ZBBX: variants seen among roughly 807,000 people sequenced by gnomAD.
ZBBX encodes the protein zinc finger B-box domain-containing protein 1.
A neutral mutation model predicts 108.5 loss-of-function variants in ZBBX; 101 were observed. That is an observed-to-expected ratio of 0.93 (90% CI 0.79 to 1.10). ZBBX has a LOEUF of 1.10. Among genes scored for constraint, ZBBX ranks in the 50% least tolerant of loss-of-function variants. The pLI is 0.00. For missense variants in ZBBX, 1,009 were observed against 941.4 expected, an observed-to-expected ratio of 1.07 and a Z score of -0.94; for synonymous variants, 356 against 323.4, an observed-to-expected ratio of 1.10 and a Z score of -1.08.
the ZBBX span, among the ~76,000 whole-genome samples, chr3:167,230,786 T>C: frequency 6.6e-6 from 1 of 151,838 alleles, no homozygotes; most frequent in African/African-American, 2.4e-5. Context: ...GTTCTCATTG[T>C]AATGCAAGGC....
At chr3:167,336,225 T>C (rs1739528655) in intron 9 of ZBBX, among the ~76,000 whole-genome samples, 1 of 152,090 alleles carries the variant, frequency 6.6e-6, no homozygotes, top group Non-Finnish European at 1.5e-5. Flanking sequence ...TTATAACATT[T>C]TTAGGTAGCA....
At chr3:167,192,509 T>C in the ZBBX span, among the ~76,000 whole-genome samples, 1 of 152,202 alleles carries the variant, frequency 6.6e-6, no homozygotes, top group East Asian at 1.9e-4. Flanking sequence ...TGAGCTTCTT[T>C]ATATGTTATT....
chr3:167,397,065 T>C (rs1412282935), intron 1 of ZBBX, among the ~76,000 whole-genome samples: 1 of 145,920 alleles, frequency 6.9e-6, no homozygotes, highest in East Asian at 2.0e-4. Context: ...GAGTATTTAA[T>C]TTATAAACAT....
chr3:167,333,875 T>C lies in ZBBX; in HGVS notation c.639A>G (p.Lys213=). Reference sequence around the variant, plus strand: ...GTACAGATTTGGGTTTATGTTGAATTTTACTGGTTTCCTTTGTAGAATTAT... The same window carrying C: ...GTACAGATTTGGGTTTATGTTGAATCTTACTGGTTTCCTTTGTAGAATTAT... ...EENNSTKETS[K]IQHKPKSVLL... The change falls in exon 10 of 22, where the codon AAA becomes AAG. Residue 213 remains lysine (K), a synonymous_variant. Coordinates refer to ENST00000675490, the MANE Select transcript of ZBBX (RefSeq NM_001199201.2). The C allele has an allele frequency of 6.2e-7, 1 of 1,612,654 alleles. No individual in the cohort carries two copies. Among genetic ancestry groups the C allele is most frequent in the Admixed American group, 1.7e-5 (1 of 59,830 alleles).
intron 1 of ZBBX, among the ~76,000 whole-genome samples, chr3:167,391,020 T>C (rs536251102): frequency 2.0e-5 from 3 of 152,290 alleles, no homozygotes; most frequent in African/African-American, 7.2e-5. Context: ...TCCAATACTA[T>C]GTTGAATACT....
At chr3:167,191,896 CATATATATATATATATATATATATAT>C in the ZBBX span, among the ~76,000 whole-genome samples, 1,969 of 67,986 alleles carry the variant, frequency 0.029, 136 homozygotes, top group South Asian at 0.08. Context: ...TTACAAAAAT[CATATATATATATATATATATATATAT>C]ATATATATAT....
chr3:167,248,709 G>A (rs1392018799), intron 20 of ZBBX: 2 of 455,196 alleles, frequency 4.4e-6, no homozygotes. Context: ...AATGTAAATG[G>A]GCAGAACCAA....
chr3:167,206,374 T>G, the ZBBX span, among the ~76,000 whole-genome samples: 1 of 152,098 alleles, frequency 6.6e-6, no homozygotes, highest in African/African-American at 2.4e-5. Context: ...TATAATTTAT[T>G]TATTCATTCA....
the ZBBX span, among the ~76,000 whole-genome samples, chr3:167,233,102 C>A: frequency 5.3e-5 from 8 of 151,904 alleles, no homozygotes; most frequent in South Asian, 1.7e-3. Flanking sequence ...CTATGGCATA[C>A]CAGACCCACT....
chr3:167,283,192 T>C lies in ZBBX; in HGVS notation c.1997-697A>G, dbSNP rs533377787. Among the ~76,000 whole-genome samples the C allele has an allele frequency of 2.0e-5, 3 of 152,292 alleles. No individual in the cohort carries two copies. In the East Asian group the frequency reaches 5.8e-4, roughly 29 times the overall value. On this transcript the variant is annotated intron_variant, in intron 19 of 21. Transcript: ENST00000675490. ...TCACCTGTTTTGAAAGTTGACTTAG[T>C]TGGTTTCTTCAACATGTTTGCTCCT...
chr3:167,351,742 T>A (rs1742692743), intron 8 of ZBBX, among the ~76,000 whole-genome samples: 1 of 152,066 alleles, frequency 6.6e-6, no homozygotes, highest in African/African-American at 2.4e-5. Flanking sequence ...ACCCCAAGGG[T>A]CTGAGTCCTG....
intron 6 of ZBBX, among the ~76,000 whole-genome samples, chr3:167,363,082 C>A (rs1361202004): frequency 6.6e-6 from 1 of 151,942 alleles, no homozygotes; most frequent in African/African-American, 2.4e-5. Flanking sequence ...TCTGAATAGC[C>A]ACACCTTCAA....
At position 167,402,143 on chromosome 3, in the gene ZBBX, G is replaced by A. The variant is rs536981319; in HGVS notation, c.-446+5583C>T. Among the ~76,000 whole-genome samples, 6 of 152,224 alleles carry A rather than the reference G, an allele frequency of 3.9e-5. No homozygotes were observed. The South Asian group carries it at 6.2e-4, about 16-fold the overall frequency. ...CAAGCACAGTAATAGTTTGCTCAAC[G>A]CAGTCATTCTCTCCACCTTATCCCA... On this transcript the variant is annotated intron_variant, in intron 1 of 21. Transcript: ENST00000455345.
intron 19 of ZBBX, among the ~76,000 whole-genome samples, chr3:167,286,814 T>C (rs1485126445): frequency 6.6e-6 from 1 of 152,124 alleles, no homozygotes; most frequent in Non-Finnish European, 1.5e-5. Flanking sequence ...ATAAACTTGC[T>C]GCTAAACACA....
At chr3:167,367,189 T>C (rs967216439) in intron 5 of ZBBX, among the ~76,000 whole-genome samples, 5 of 151,816 alleles carry the variant, frequency 3.3e-5, no homozygotes, top group African/African-American at 1.2e-4. Flanking sequence ...ACATGAAACA[T>C]GCACTCTCAT....
Position 167,340,966 on chromosome 3 carries a change from G to C in ZBBX, c.529-6981C>G, listed in dbSNP as rs543957177. On this transcript the variant is annotated intron_variant, in intron 9 of 21. Transcript: ENST00000675490. ...CTAAAAACAGATATGGTATTTGCAA[G>C]AGTAGTGGTACAGAAATATCAAGGG... Among the ~76,000 whole-genome samples, 6 of 152,048 alleles carry C rather than the reference G, an allele frequency of 3.9e-5. No individual in the cohort carries two copies. In the South Asian group the frequency reaches 1.0e-3, roughly 26 times the overall value.
intron 20 of ZBBX, among the ~76,000 whole-genome samples, chr3:167,265,606 T>C (rs572009002): frequency 6.6e-6 from 1 of 152,218 alleles, no homozygotes; most frequent in Non-Finnish European, 1.5e-5. Context: ...CTCTAGGTCA[T>C]GTGCCATGCT....
intron 20 of ZBBX, among the ~76,000 whole-genome samples, chr3:167,246,021 G>C (rs1343247051): frequency 6.6e-6 from 1 of 151,990 alleles, no homozygotes; most frequent in Non-Finnish European, 1.5e-5. Flanking sequence ...TACATTTGGG[G>C]GAGACCATGG....
At chr3:167,207,057 C>G in the ZBBX span, among the ~76,000 whole-genome samples, 2 of 152,080 alleles carry the variant, frequency 1.3e-5, no homozygotes, top group Non-Finnish European at 2.9e-5. Flanking sequence ...AAAAAGCTTC[C>G]TGATATTTGC....
Sources: gnomAD v4.1 joint callset for allele counts (sites outside exome capture counted in the v4.1 genomes callset) on GRCh38, gnomAD v4.1.1 for gene constraint, MANE v1.5 for transcripts, NCBI Gene and HGNC (gene_info 2026-07-23, HGNC 2026-07-21) for gene names.